MYOM1: variants seen among roughly 807,000 people sequenced by gnomAD.
The protein encoded by MYOM1 is myomesin 1.
A neutral mutation model predicts 205.3 loss-of-function variants in MYOM1; 164 were observed. That is an observed-to-expected ratio of 0.80 (90% confidence interval 0.70 to 0.91). MYOM1 has a LOEUF of 0.91. Among genes scored for constraint, MYOM1 ranks in the 40% least tolerant of loss-of-function variants. The probability of loss-of-function intolerance (pLI) is 0.00; values close to 1 mark genes in which losing one functional copy is unlikely to be tolerated. For missense variants in MYOM1, 2,011 were observed against 2,127.3 expected, an observed-to-expected ratio of 0.95 and a Z score of 1.08; for synonymous variants, 772 against 789.4, an observed-to-expected ratio of 0.98 and a Z score of 0.37.
upstream of MYOM1, among the ~76,000 whole-genome samples, chr18:3,222,293 C>T (rs2081335742): frequency 6.6e-6 from 1 of 152,248 alleles, no homozygotes; most frequent in Admixed American, 6.5e-5. Flanking sequence ...TATTATGTAG[C>T]TAGTTGTAAT....
intron 2 of MYOM1, among the ~76,000 whole-genome samples, chr18:3,198,444 T>C (rs893949261): frequency 6.6e-6 from 1 of 152,204 alleles, no homozygotes; most frequent in Non-Finnish European, 1.5e-5. Flanking sequence ...CTCAGCACTG[T>C]GCCCAGTGCC....
At chr18:3,206,421 C>T (rs865846873) in intron 2 of MYOM1, among the ~76,000 whole-genome samples, 2 of 152,280 alleles carry the variant, frequency 1.3e-5, no homozygotes, top group Middle Eastern at 6.8e-3. Context: ...TGTCTTTGCT[C>T]CAGTTAGCTG....
intron 33 of MYOM1, among the ~76,000 whole-genome samples, chr18:3,080,742 AT>A (rs1169366876): frequency 7.9e-5 from 12 of 152,150 alleles, no homozygotes; most frequent in South Asian, 6.2e-4. Context: ...ATAATATTAC[AT>A]TTTTTAAATA....
chr18:3,174,180 G>A lies in MYOM1; in HGVS notation c.1051C>T (p.Arg351Trp), dbSNP rs375848036. 6.7e-5 allele frequency: 108 copies of A among 1,613,746 alleles called. No individual in the cohort carries two copies. The highest frequency in any genetic ancestry group is 3.3e-4 in the Middle Eastern group (2 of 6,084). The change falls in exon 7 of 38, where the codon CGG (arginine) becomes TGG (tryptophan). Residue 351 changes from arginine to tryptophan, a missense_variant. Coordinates refer to ENST00000356443, the MANE Select transcript of MYOM1 (RefSeq NM_003803.4). ...CCTTTAACATTCATCGCCGAGGCCC[G>A]GTACTGAGCTGTATCTTCAAAATCA... ...GCDFEDTAQYRASAMNVKGEL... is the reference protein window; with the variant it reads ...GCDFEDTAQYWASAMNVKGEL...
upstream of MYOM1, among the ~76,000 whole-genome samples, chr18:3,224,473 G>C (rs1053516605): frequency 6.6e-6 from 1 of 152,166 alleles, no homozygotes; most frequent in South Asian, 2.1e-4. Flanking sequence ...GTGCTGGGCT[G>C]AAAGCCCAGC....
At position 3,209,756 on chromosome 18, in the gene MYOM1, A is replaced by G. The variant is rs1054694473; in HGVS notation, c.290+5178T>C. Among the ~76,000 whole-genome samples, 7 of 152,162 alleles carry G rather than the reference A, an allele frequency of 4.6e-5. No individual in the cohort carries two copies. Among genetic ancestry groups the G allele is most frequent in the Admixed American group, 4.6e-4 (7 of 15,274 alleles). On this transcript the variant is annotated intron_variant, in intron 2 of 37. Transcript: ENST00000356443. The surrounding 1 kb of genome is among the most constrained non-coding windows in gnomAD (Gnocchi z 4.0). ...TTGCTCAGATATCACCTTCTCAACAAGGCCTGACTGCCCTCTTGAAAATTC... is the reference window on the plus strand; with the variant it reads ...TTGCTCAGATATCACCTTCTCAACAGGGCCTGACTGCCCTCTTGAAAATTC...
intron 34 of MYOM1, among the ~76,000 whole-genome samples, chr18:3,076,216 C>T (rs1173706294): frequency 6.6e-6 from 1 of 151,958 alleles, no homozygotes; most frequent in Non-Finnish European, 1.5e-5. Flanking sequence ...AAGTAGCATG[C>T]GCCATCACAC....
At chr18:3,110,377 G>A (rs1038296244) in intron 22 of MYOM1, among the ~76,000 whole-genome samples, 1 of 152,122 alleles carries the variant, frequency 6.6e-6, no homozygotes, top group Non-Finnish European at 1.5e-5. Flanking sequence ...TCAGCCTCAT[G>A]CCCACCTTGG....
intron 2 of MYOM1, among the ~76,000 whole-genome samples, chr18:3,195,098 C>G (rs2080976291): frequency 6.6e-6 from 1 of 152,056 alleles, no homozygotes; most frequent in South Asian, 2.1e-4. Flanking sequence ...AAAGGGATTA[C>G]CTAATCAAAA....
At chr18:3,211,884 G>A (rs1411866272) in intron 2 of MYOM1, among the ~76,000 whole-genome samples, 2 of 152,138 alleles carry the variant, frequency 1.3e-5, no homozygotes, top group Non-Finnish European at 2.9e-5. Flanking sequence ...ACCAAGCCGA[G>A]CACTTACACT....
Position 3,129,427 on chromosome 18 carries a change from G to A in MYOM1, c.2599C>T (p.Pro867Ser). The change falls in exon 18 of 38, where the codon CCA becomes TCA. Residue 867 changes from proline to serine, a missense_variant. Coordinates refer to ENST00000356443, the MANE Select transcript of MYOM1 (RefSeq NM_003803.4). ...SRGRVHEASP[P>S]TFQKDALLGS... The stretch of plus-strand genomic sequence containing the variant: ...AGCAAAGCATCTTTCTGGAAGGTTG[G>A]CGGGGAGGCTTCATGCACGCGCCCC... The A allele has an allele frequency of 6.2e-7, 1 of 1,613,990 alleles. No individual in the cohort carries two copies. The highest frequency in any genetic ancestry group is 8.5e-7 in the Non-Finnish European group (1 of 1,179,890).
chr18:3,113,865 T>C (rs1332035568), intron 21 of MYOM1, among the ~76,000 whole-genome samples: 2 of 152,222 alleles, frequency 1.3e-5, no homozygotes, highest in East Asian at 1.9e-4. Flanking sequence ...TATTCAATTA[T>C]GTGAAGTGTT....
At chr18:3,151,980 T>G (rs2080229824) in intron 11 of MYOM1, 87 bp from the exon 12 acceptor site, 1 of 1,337,250 alleles carries the variant, frequency 7.5e-7, no homozygotes, top group South Asian at 1.4e-5. Context: ...CCCAGTTGTT[T>G]CAGATCTTCT....
chr18:3,236,014 T>G, the MYOM1 span, among the ~76,000 whole-genome samples: 2 of 152,114 alleles, frequency 1.3e-5, no homozygotes, highest in African/African-American at 4.8e-5. Context: ...CTGAGCAGAC[T>G]GGGGAGGGCA....
rs1376000855 is a variant in MYOM1 at position 3,094,166 on chromosome 18, C to T, written c.3864+4G>A. The T allele has an allele frequency of 1.2e-6, 2 of 1,613,694 alleles. No homozygotes were observed. The highest frequency in any genetic ancestry group is 1.7e-6 in the Non-Finnish European group (2 of 1,179,756). ...TTAAAAAGTCTAAACAGTGTAAAAC[C>T]TACCGGGCCTTCAAAAATTTCCTTC... On this transcript the variant is annotated splice_donor_region_variant and intron_variant, in intron 26 of 37. Coordinates refer to ENST00000356443, the MANE Select transcript of MYOM1 (RefSeq NM_003803.4).
intron 13 of MYOM1, among the ~76,000 whole-genome samples, chr18:3,147,029 AATATTATATATAAATATTAT>A (rs1278152435): frequency 0.014 from 2,021 of 143,442 alleles, 46 homozygotes; most frequent in African/African-American, 0.047. Flanking sequence ...CATCATCAGA[AATATTATATATAAATATTAT>A]ATATTATATA....
At chr18:3,097,458 C>T (rs750454683) in intron 25 of MYOM1, among the ~76,000 whole-genome samples, 11 of 152,190 alleles carry the variant, frequency 7.2e-5, no homozygotes, top group Non-Finnish European at 1.2e-4. Flanking sequence ...GATTCTCACT[C>T]TGTCACCCAG....
chr18:3,142,201 T>C, intron 13 of MYOM1, 138 bp from the exon 14 acceptor site: 2 of 1,071,514 alleles, frequency 1.9e-6, no homozygotes, highest in Non-Finnish European at 2.6e-6. Context: ...CTCTCTAAAA[T>C]TCCCCCAAAA....
At chr18:3,223,429 T>C (rs1322206114), upstream of MYOM1, among the ~76,000 whole-genome samples, 3 of 152,224 alleles carry the variant, frequency 2.0e-5, no homozygotes, top group Non-Finnish European at 4.4e-5. Context: ...ATTTGCTGTA[T>C]CCTTCCTACT....
Sources: allele counts gnomAD v4.1 joint callset (sites outside exome capture counted in the v4.1 genomes callset), GRCh38; gene constraint gnomAD v4.1.1; non-coding constraint Gnocchi (gnomAD v3.1); transcripts MANE v1.5; gene names NCBI Gene and HGNC (gene_info 2026-07-23, HGNC 2026-07-21).